The following SEC14L1 variants were observed in gnomAD, a reference collection of about 807,000 sequenced individuals.
The protein encoded by SEC14L1 is SEC14 like lipid binding 1, also known as SEC14-like protein 1.
A neutral mutation model predicts 85.3 loss-of-function variants in SEC14L1; 48 were observed. The ratio of observed to expected loss-of-function variants is 0.56; its 90% CI spans 0.45 to 0.72. The LOEUF is 0.72. Among genes scored for constraint, SEC14L1 ranks in the 30% least tolerant of loss-of-function variants. The pLI is 0.00. For missense variants in SEC14L1, 682 were observed against 921.4 expected (o/e 0.74, Z 3.36); for synonymous variants, 391 against 355.5 (o/e 1.10, Z -1.12).
intron 3 of SEC14L1, chr17:77,185,444 A>T: frequency 1.0e-6 from 1 of 956,850 alleles, no homozygotes; most frequent in Non-Finnish European, 1.2e-6. Context: ...CAGGGAAGGG[A>T]ACGTTTTTAG....
Position 77,191,204 on chromosome 17 carries a change from T to C in SEC14L1, c.237T>C (p.Tyr79=). 1 of 1,613,484 alleles carries C rather than the reference T, an allele frequency of 6.2e-7. No individual in the cohort carries two copies. Among genetic ancestry groups the C allele is most frequent in the Non-Finnish European group, 8.5e-7 (1 of 1,179,404 alleles). ...AGATTGCAGGAGTTGATTATGTTTATTTTGTCCAGAAAAACTCACTGAATT... is the reference window on the plus strand; with the variant it reads ...AGATTGCAGGAGTTGATTATGTTTACTTTGTCCAGAAAAACTCACTGAATT... ...LKKIAGVDYV[Y]FVQKNSLNSR... Residue 79 remains tyrosine, a synonymous_variant, in exon 5 of 17, where the codon TAT becomes TAC. Transcript: ENST00000436233.
In SEC14L1 at chr17:77,214,150, A is replaced by C; in HGVS notation, c.*127A>C. 6.9e-7 allele frequency: 1 copy of C among 1,454,892 alleles called. No individual in the cohort carries two copies. Among genetic ancestry groups the C allele is most frequent in the Non-Finnish European group, 9.0e-7 (1 of 1,106,444 alleles). The allele number at this position is 1,454,892 out of a possible 1,614,324, so 90.1% of individuals were successfully genotyped here. A position where few individuals can be genotyped will look rare whatever the true frequency, so the allele number is the denominator to read the frequency against. On this transcript the variant is annotated 3_prime_UTR_variant, in exon 17 of 17. Coordinates refer to ENST00000436233, the MANE Select transcript of SEC14L1 (RefSeq NM_001143998.2). ...CACCTCTAGATAGCAAATAGCTCTC[A>C]GATGGTAAACGTAGTCGTTTGATCC...
At chr17:77,108,176 G>T (rs149354066) in intron 3 of SEC14L1, among the ~76,000 whole-genome samples, 34 of 152,200 alleles carry the variant, frequency 2.2e-4, no homozygotes, top group Non-Finnish European at 4.3e-4. Flanking sequence ...AGTGTGCAGT[G>T]CTGCCATATA....
chr17:77,090,611 C>T (rs1971490110), intron 2 of SEC14L1, among the ~76,000 whole-genome samples: 2 of 151,660 alleles, frequency 1.3e-5, no homozygotes, highest in African/African-American at 4.8e-5. Context: ...GGGCACAGTG[C>T]CCCAGCAGGT....
intron 3 of SEC14L1, among the ~76,000 whole-genome samples, chr17:77,187,885 C>T (rs112067912): frequency 1.8e-4 from 27 of 152,006 alleles, no homozygotes; most frequent in Middle Eastern, 3.4e-3. Context: ...GCTAGAACTA[C>T]AGGCATGTAC....
chr17:77,171,692 T>G (rs371241105), intron 3 of SEC14L1, among the ~76,000 whole-genome samples: 4 of 152,216 alleles, frequency 2.6e-5, no homozygotes, highest in African/African-American at 7.2e-5. Context: ...TTGCAGAAAT[T>G]TTAAGGCTTG....
upstream of SEC14L1, among the ~76,000 whole-genome samples, chr17:77,138,069 T>C (rs922422085): frequency 2.6e-4 from 40 of 151,852 alleles, no homozygotes; most frequent in Non-Finnish European, 4.9e-4. Context: ...GAGGAAATCA[T>C]AGGGAGTCGG....
chr17:77,213,574 G>T lies in SEC14L1; in HGVS notation c.2042+82G>T. On this transcript the variant is annotated intron_variant, in intron 16 of 16. Coordinates refer to ENST00000436233, the MANE Select transcript of SEC14L1 (RefSeq NM_001143998.2). The surrounding 1 kb of genome is among the most constrained non-coding windows in gnomAD (Gnocchi z 7.1). ...GCCTGCAGTCCCACGCCGTGTGCAGGATCAGCAGTGGCGGCGGGTGTCAGG... is the reference window on the plus strand; with the variant it reads ...GCCTGCAGTCCCACGCCGTGTGCAGTATCAGCAGTGGCGGCGGGTGTCAGG... 1 of 1,527,136 alleles carries T rather than the reference G, an allele frequency of 6.5e-7. No individual in the cohort carries two copies. The highest frequency in any genetic ancestry group is 8.9e-7 in the Non-Finnish European group (1 of 1,119,270). 94.6% of individuals were successfully genotyped at this position (1,527,136 alleles called of 1,614,324 possible).
At chr17:77,098,351 TAGTC>T (rs1436410455) in intron 3 of SEC14L1, among the ~76,000 whole-genome samples, 2 of 151,762 alleles carry the variant, frequency 1.3e-5, no homozygotes, top group East Asian at 1.9e-4. Flanking sequence ...ATACAAAAAT[TAGTC>T]AGGCGTGGTG....
At chr17:77,136,911 CTTTT>C (rs577567553), upstream of SEC14L1, among the ~76,000 whole-genome samples, 1 of 142,142 alleles carries the variant, frequency 7.0e-6, no homozygotes. Flanking sequence ...CTTTTTCTTT[CTTTT>C]TTTTTTTTTT....
intron 14 of SEC14L1, 106 bp from the exon 15 acceptor site, chr17:77,211,844 C>G (rs1387486882): frequency 6.9e-7 from 1 of 1,453,094 alleles, no homozygotes; most frequent in South Asian, 1.3e-5. Context: ...TTTCCCTCCC[C>G]AGCTTCAGCA....
At chr17:77,198,611 G>A (rs1975939535) in intron 8 of SEC14L1, among the ~76,000 whole-genome samples, 1 of 147,830 alleles carries the variant, frequency 6.8e-6, no homozygotes, top group Non-Finnish European at 1.5e-5. Context: ...GTCTCGCCCT[G>A]TCGCCCAGGC....
intron 3 of SEC14L1, among the ~76,000 whole-genome samples, chr17:77,164,662 G>T (rs1322755115): frequency 3.9e-5 from 6 of 152,202 alleles, no homozygotes; most frequent in Non-Finnish European, 1.5e-5. Flanking sequence ...TGGAGGAGTG[G>T]AGGGAAAGGA....
chr17:77,147,406 C>T (rs886377197), intron 3 of SEC14L1, among the ~76,000 whole-genome samples: 4 of 151,828 alleles, frequency 2.6e-5, no homozygotes, highest in African/African-American at 7.3e-5. Flanking sequence ...CTCATTAACT[C>T]GCTTGAGTGG....
chr17:77,100,422 CTCTCTCTTTTTTTTTT>C (rs1971748693), intron 3 of SEC14L1, among the ~76,000 whole-genome samples: 2 of 36,532 alleles, frequency 5.5e-5, no homozygotes, highest in Admixed American at 5.7e-4. Context: ...CTTTCTCTCT[CTCTCTCTTTTTTTTTT>C]TTTTTTTTTT....
intron 3 of SEC14L1, among the ~76,000 whole-genome samples, chr17:77,116,440 G>A (rs529952238): frequency 1.3e-5 from 2 of 152,142 alleles, no homozygotes; most frequent in East Asian, 3.9e-4. Context: ...GAAATGAACC[G>A]GGAAGGATGG....
At chr17:77,177,291 G>A (rs1020965728) in intron 3 of SEC14L1, among the ~76,000 whole-genome samples, 7 of 151,282 alleles carry the variant, frequency 4.6e-5, no homozygotes, top group Admixed American at 6.6e-5. Context: ...TGAGATGTCC[G>A]TATTGAGATC....
chr17:77,095,235 C>A (rs1971611963), intron 3 of SEC14L1, among the ~76,000 whole-genome samples: 1 of 152,178 alleles, frequency 6.6e-6, no homozygotes. Context: ...GCTGTTGATA[C>A]TTAGGAGAGC....
intron 3 of SEC14L1, chr17:77,144,629 T>G (rs1973196555): frequency 6.6e-6 from 1 of 152,224 alleles, no homozygotes; most frequent in South Asian, 2.1e-4. Context: ...ATTTATTTTT[T>G]TGAGACAGCG....
Sources: allele counts gnomAD v4.1 joint callset (sites outside exome capture counted in the v4.1 genomes callset), GRCh38; gene constraint gnomAD v4.1.1; non-coding constraint Gnocchi (gnomAD v3.1); transcripts MANE v1.5; gene names NCBI Gene and HGNC (gene_info 2026-07-23, HGNC 2026-07-21).